CCDC91: variants seen among roughly 807,000 people sequenced by gnomAD.
CCDC91 encodes coiled-coil domain containing 91.
CCDC91 carries 48 observed loss-of-function variants against 63.2 expected under a neutral mutation model. The ratio of observed to expected loss-of-function variants is 0.76; its 90% CI spans 0.60 to 0.97. CCDC91 has a LOEUF of 0.97. Among genes scored for constraint, CCDC91 ranks in the 50% least tolerant of loss-of-function variants. The pLI is 0.00. For synonymous variants in CCDC91, 167 were observed against 165.8 expected (o/e 1.01, Z -0.06); for missense variants, 500 against 494.6 (o/e 1.01, Z -0.10).
At chr12:28,385,036 A>G (rs1160714133) in intron 7 of CCDC91, among the ~76,000 whole-genome samples, 1 of 152,122 alleles carries the variant, frequency 6.6e-6, no homozygotes, top group East Asian at 1.9e-4. Context: ...AAACATAAAA[A>G]TATCTCTTCA....
chr12:28,308,414 C>G (rs1181158283), intron 6 of CCDC91, among the ~76,000 whole-genome samples: 1 of 151,942 alleles, frequency 6.6e-6, no homozygotes, highest in Admixed American at 6.6e-5. Context: ...GCAGACCATT[C>G]CCCCCATTGC....
intron 1 of CCDC91, among the ~76,000 whole-genome samples, chr12:28,197,588 T>TG (rs1485608067): frequency 2.0e-5 from 3 of 152,158 alleles, no homozygotes; most frequent in African/African-American, 4.8e-5. Context: ...TAATAGTAAG[T>TG]GGTAGAGCTT....
intron 8 of CCDC91, among the ~76,000 whole-genome samples, chr12:28,395,721 C>T (rs111372528): frequency 2.0e-5 from 3 of 152,154 alleles, no homozygotes; most frequent in Admixed American, 6.5e-5. Flanking sequence ...TCAGAAAAAC[C>T]GAGGCATGAA....
At chr12:28,289,431 A>G (rs1949086974) in intron 3 of CCDC91, among the ~76,000 whole-genome samples, 2 of 151,970 alleles carry the variant, frequency 1.3e-5, no homozygotes, top group Non-Finnish European at 2.9e-5. Flanking sequence ...CCTTCTCTTC[A>G]TTATTTACCC....
At chr12:28,529,538 A>G (rs1393072115) in intron 12 of CCDC91, among the ~76,000 whole-genome samples, 3 of 152,208 alleles carry the variant, frequency 2.0e-5, no homozygotes, top group African/African-American at 7.2e-5. Flanking sequence ...AACCCACAGG[A>G]TTAAGAATGA....
intron 3 of CCDC91, 27 bp from the exon 4 acceptor site, chr12:28,305,622 C>CT (rs758204553): frequency 6.3e-7 from 1 of 1,591,682 alleles, no homozygotes; most frequent in East Asian, 2.3e-5. Context: ...TAATCCTATC[C>CT]TTTTTGTTGT....
intron 7 of CCDC91, among the ~76,000 whole-genome samples, chr12:28,386,523 G>A (rs1450935134): frequency 6.6e-6 from 1 of 151,868 alleles, no homozygotes; most frequent in Non-Finnish European, 1.5e-5. Context: ...TGCACTCCAC[G>A]ATGCCCCACT....
At chr12:28,304,538 G>A (rs1938501284) in intron 3 of CCDC91, 2 of 441,338 alleles carry the variant, frequency 4.5e-6, no homozygotes, top group Admixed American at 3.9e-5. Flanking sequence ...GTGTGTATAA[G>A]ATAATTGAAT....
intron 12 of CCDC91, among the ~76,000 whole-genome samples, chr12:28,529,011 A>G (rs1252532607): frequency 6.6e-6 from 1 of 151,988 alleles, no homozygotes; most frequent in Non-Finnish European, 1.5e-5. Context: ...GTTTCTATGT[A>G]TATGTATGTA....
intron 6 of CCDC91, among the ~76,000 whole-genome samples, chr12:28,330,798 A>G (rs1339033749): frequency 6.6e-6 from 1 of 152,118 alleles, no homozygotes; most frequent in Non-Finnish European, 1.5e-5. Context: ...TAAATACTAC[A>G]CTTTAGATTA....
intron 3 of CCDC91, among the ~76,000 whole-genome samples, chr12:28,260,040 A>C (rs1946725779): frequency 6.6e-6 from 1 of 151,984 alleles, no homozygotes; most frequent in South Asian, 2.1e-4. Flanking sequence ...CCTAGACCTC[A>C]AATGTTACAG....
chr12:28,255,049 T>C (rs1485955597), intron 1 of CCDC91, among the ~76,000 whole-genome samples: 1 of 152,176 alleles, frequency 6.6e-6, no homozygotes, highest in African/African-American at 2.4e-5. Context: ...GTGCTGGGAT[T>C]ACAGGCGTGA....
Position 28,299,226 on chromosome 12 carries a change from G to A in CCDC91, c.110-6423G>A, listed in dbSNP as rs192332241. 3.1e-3 allele frequency among the ~76,000 whole-genome samples: 465 copies of A among 151,654 alleles called. 1 individual carries two copies. The highest frequency in any genetic ancestry group is 3.7e-3 in the Non-Finnish European group (253 of 67,588). On this transcript the variant is annotated intron_variant, in intron 3 of 12. Transcript: ENST00000536442. ...ATTGTGACTTACAGAAAACCTTGAA[G>A]AAATGGACAAATAATTCCCATATAT...
intron 3 of CCDC91, among the ~76,000 whole-genome samples, chr12:28,270,039 T>G (rs1282116815): frequency 6.6e-6 from 1 of 151,980 alleles, no homozygotes; most frequent in Non-Finnish European, 1.5e-5. Context: ...ATTTAATTAA[T>G]AAAAATGTTT....
chr12:28,467,832 G>A (rs1216309158), intron 11 of CCDC91, among the ~76,000 whole-genome samples: 1 of 151,972 alleles, frequency 6.6e-6, no homozygotes, highest in Non-Finnish European at 1.5e-5. Flanking sequence ...ACATATACAT[G>A]AAAAGGAAAC....
intron 12 of CCDC91, among the ~76,000 whole-genome samples, chr12:28,532,981 A>C: frequency 6.6e-6 from 1 of 152,098 alleles, no homozygotes; most frequent in Non-Finnish European, 1.5e-5. Flanking sequence ...AAACCGTCTC[A>C]AAACTTACGG....
intron 3 of CCDC91, among the ~76,000 whole-genome samples, chr12:28,267,855 A>C (rs866941069): frequency 3.2e-5 from 1 of 31,130 alleles, no homozygotes; most frequent in African/African-American, 9.8e-5. Flanking sequence ...TTATATAGTA[A>C]TATATAATTA....
intron 1 of CCDC91, among the ~76,000 whole-genome samples, chr12:28,221,067 A>T (rs1290122857): frequency 1.3e-5 from 2 of 152,094 alleles, no homozygotes; most frequent in Non-Finnish European, 2.9e-5. Flanking sequence ...CACATGTTTT[A>T]GACCACTTGA....
At chr12:28,375,619 C>T (rs1296414261) in intron 7 of CCDC91, among the ~76,000 whole-genome samples, 1 of 151,842 alleles carries the variant, frequency 6.6e-6, no homozygotes, top group Non-Finnish European at 1.5e-5. Context: ...ATTTTTTTCT[C>T]TTATGTCATG....
Sources: allele counts gnomAD v4.1 joint callset (sites outside exome capture counted in the v4.1 genomes callset), GRCh38; gene constraint gnomAD v4.1.1; transcripts MANE v1.5; gene names NCBI Gene and HGNC (gene_info 2026-07-23, HGNC 2026-07-21).